Variants in PRKN observed in about 807,000 individuals in gnomAD.
The protein encoded by PRKN is E3 ubiquitin-protein ligase parkin.
A neutral mutation model predicts 59.5 loss-of-function variants in PRKN; 56 were observed. The observed-to-expected ratio is 0.94, with a 90% CI of 0.76 to 1.18. The LOEUF (loss-of-function observed/expected upper bound fraction) is 1.18, where lower values mean the gene tolerates loss of function less well. Ranked by LOEUF, PRKN falls within the 50% of genes most tolerant of loss-of-function variation. PRKN has a pLI of 0.00. For synonymous variants in PRKN, 250 were observed against 222.1 expected (o/e 1.13, Z -1.12); for missense variants, 657 against 596.4 (o/e 1.10, Z -1.06).
chr6:162,158,416 G>GTT (rs869040301), intron 4 of PRKN, among the ~76,000 whole-genome samples: 1 of 2,754 alleles, frequency 3.6e-4, no homozygotes, highest in African/African-American at 5.3e-4. Context: ...GTTTGTTTGC[G>GTT]TTTTTTTTTT....
intron 1 of PRKN, among the ~76,000 whole-genome samples, chr6:162,600,186 C>A (rs1235561230): frequency 6.6e-6 from 1 of 152,154 alleles, no homozygotes; most frequent in African/African-American, 2.4e-5. Context: ...TGACTTCTAT[C>A]ACCAAAACGT....
At chr6:162,703,215 T>A (rs2187195) in intron 1 of PRKN, among the ~76,000 whole-genome samples, 139,454 of 152,262 alleles carry the variant, frequency 0.92, 64,031 homozygotes, top group East Asian at 0.98. Context: ...TACAGAGAGT[T>A]CATTTCTGAC....
intron 9 of PRKN, among the ~76,000 whole-genome samples, chr6:161,520,641 T>G (rs1778786233): frequency 6.6e-6 from 1 of 152,186 alleles, no homozygotes; most frequent in Admixed American, 6.5e-5. Flanking sequence ...AGCTAAAGAT[T>G]CCCTAAAGTT....
chr6:162,091,386 G>T (rs1377305328), intron 4 of PRKN, among the ~76,000 whole-genome samples: 1 of 152,104 alleles, frequency 6.6e-6, no homozygotes, highest in Admixed American at 6.6e-5. Context: ...GGTTTAAAGA[G>T]GCTTTTAAAC....
chr6:161,599,861 C>T (rs1289694104), intron 7 of PRKN, among the ~76,000 whole-genome samples: 1 of 152,120 alleles, frequency 6.6e-6, no homozygotes, highest in African/African-American at 2.4e-5. Context: ...AGAAAACAAT[C>T]AAATGTTGAT....
intron 6 of PRKN, among the ~76,000 whole-genome samples, chr6:161,828,452 C>T (rs1792336788): frequency 6.6e-6 from 1 of 152,188 alleles, no homozygotes; most frequent in Admixed American, 6.5e-5. Context: ...ACGGCAGACC[C>T]TTGGGAGCAA....
chr6:161,596,498 C>T (rs1781918429), intron 7 of PRKN, among the ~76,000 whole-genome samples: 1 of 152,072 alleles, frequency 6.6e-6, no homozygotes, highest in Non-Finnish European at 1.5e-5. Context: ...CTTTGGTTTG[C>T]TATTTTTTCC....
At chr6:161,885,394 G>A (rs902331686) in intron 6 of PRKN, among the ~76,000 whole-genome samples, 5 of 152,050 alleles carry the variant, frequency 3.3e-5, no homozygotes, top group Admixed American at 2.6e-4. Context: ...GGCCGGGTGC[G>A]GTGGCTCAGC....
chr6:162,547,114 C>T lies in PRKN; in HGVS notation c.8-103641G>A, dbSNP rs186917971. ...GGTAGCATATGCTGAATTTCCCAGA[C>T]GCCAGATCCAGTCAGGAACTTTCTG... On this transcript the variant is annotated intron_variant, in intron 1 of 11. Coordinates refer to ENST00000366898, the MANE Select transcript of PRKN (RefSeq NM_004562.3). Among the ~76,000 whole-genome samples the T allele has an allele frequency of 6.5e-4, 99 of 152,244 alleles. 1 individual carries two copies. The South Asian group carries it at 9.3e-3, about 14-fold the overall frequency.
Position 161,471,306 on chromosome 6 carries a change from G to A in PRKN, c.1083+77548C>T, listed in dbSNP as rs1025008836. ...AATGTCTGAGTTTTGGGGTTATGGG[G>A]ATGTTGTTTTATTTCACTTACAGAT... On this transcript the variant is annotated intron_variant, in intron 9 of 11. Coordinates refer to ENST00000366898, the MANE Select transcript of PRKN (RefSeq NM_004562.3). The surrounding 1 kb of genome is among the most constrained non-coding windows in gnomAD (Gnocchi z 4.5). Among the ~76,000 whole-genome samples, 1 of 152,180 alleles carries A rather than the reference G, an allele frequency of 6.6e-6. No homozygotes were observed. Among genetic ancestry groups the A allele is most frequent in the Non-Finnish European group, 1.5e-5 (1 of 68,036 alleles).
rs34279714 is a variant in PRKN, at chr6:161,352,771, A to ATACTTT, written c.1286-2561_1286-2560insAAAGTA. Reference sequence around the variant, plus strand: ...TGTGTGTGTGTATATATATATATATATTTTATTTTATTTTATTTTATTTTT... The same window carrying ATACTTT: ...TGTGTGTGTGTATATATATATATATATACTTTTTTTATTTTATTTTATTTTATTTTT... On this transcript the variant is annotated intron_variant, in intron 11 of 11. Coordinates refer to ENST00000366898, the MANE Select transcript of PRKN (RefSeq NM_004562.3). The surrounding 1 kb of genome is among the most constrained non-coding windows in gnomAD (Gnocchi z 5.8). Among the ~76,000 whole-genome samples the ATACTTT allele has an allele frequency of 1.7e-5, 2 of 116,900 alleles. No homozygotes were observed. Among genetic ancestry groups the ATACTTT allele is most frequent in the African/African-American group, 5.8e-5 (2 of 34,428 alleles). 76.7% of individuals were successfully genotyped at this position (116,900 alleles called of 152,430 possible).
chr6:162,217,505 C>T (rs1329904780), intron 3 of PRKN, among the ~76,000 whole-genome samples: 1 of 152,168 alleles, frequency 6.6e-6, no homozygotes, highest in African/African-American at 2.4e-5. Flanking sequence ...CTCTGCCTCC[C>T]TCCCAAGTAG....
chr6:162,583,755 T>A (rs1730206342), intron 1 of PRKN, among the ~76,000 whole-genome samples: 1 of 152,110 alleles, frequency 6.6e-6, no homozygotes, highest in South Asian at 2.1e-4. Flanking sequence ...ATGAAAAAAA[T>A]TACCAAATAG....
chr6:162,586,412 T>C (rs1432683136), intron 1 of PRKN, among the ~76,000 whole-genome samples: 4 of 152,120 alleles, frequency 2.6e-5, no homozygotes, highest in Non-Finnish European at 5.9e-5. Context: ...TCTGCTATGA[T>C]TGTCAGAAAT....
intron 1 of PRKN, among the ~76,000 whole-genome samples, chr6:162,612,018 T>C (rs990860579): frequency 6.9e-6 from 1 of 145,330 alleles, no homozygotes; most frequent in Admixed American, 6.9e-5. Flanking sequence ...ACCCCGTCTC[T>C]ACTAAAAATA....
At chr6:161,912,404 T>C (rs1217867108) in intron 6 of PRKN, among the ~76,000 whole-genome samples, 1 of 151,880 alleles carries the variant, frequency 6.6e-6, no homozygotes, top group Non-Finnish European at 1.5e-5. Flanking sequence ...GCAAAAGGCA[T>C]GCCCCTGTAC....
chr6:161,488,776 C>A lies in PRKN; in HGVS notation c.1083+60078G>T, dbSNP rs1453742403. On this transcript the variant is annotated intron_variant, in intron 9 of 11. Transcript: ENST00000366898. The surrounding 1 kb of genome is among the most constrained non-coding windows in gnomAD (Gnocchi z 4.5). ...TTGGGATTACAGGCGTAAGCCACCA[C>A]ACCTGGCATAACAAGGAATTTTTGA... Among the ~76,000 whole-genome samples the A allele has an allele frequency of 2.6e-5, 4 of 152,176 alleles. No homozygotes were observed. Among genetic ancestry groups the A allele is most frequent in the Non-Finnish European group, 4.4e-5 (3 of 68,042 alleles).
intron 7 of PRKN, among the ~76,000 whole-genome samples, chr6:161,751,552 C>A (rs112904254): frequency 0.012 from 1,802 of 152,244 alleles, 20 homozygotes; most frequent in Middle Eastern, 0.058. Flanking sequence ...TAAAATTACA[C>A]AATCATAAAG....
In PRKN at chr6:162,584,106, G is replaced by A. The variant is rs190857459; in HGVS notation, c.8-140633C>T. On this transcript the variant is annotated intron_variant, in intron 1 of 11. Transcript: ENST00000366898. ...CAGATGCCTGTGGTCCCAGCTACTGGGGAGGCTGAGGCAGGAGAATGGTGT... is the reference window on the plus strand; with the variant it reads ...CAGATGCCTGTGGTCCCAGCTACTGAGGAGGCTGAGGCAGGAGAATGGTGT... Among the ~76,000 whole-genome samples the A allele has an allele frequency of 7.0e-4, 106 of 152,074 alleles. No individual in the cohort carries two copies. The East Asian group carries it at 9.9e-3, about 14-fold the overall frequency.
Sources: gnomAD v4.1 joint callset for allele counts (sites outside exome capture counted in the v4.1 genomes callset) on GRCh38, gnomAD v4.1.1 for gene constraint, Gnocchi (gnomAD v3.1) non-coding constraint, MANE v1.5 for transcripts, NCBI Gene and HGNC (gene_info 2026-07-23, HGNC 2026-07-21) for gene names.